Variants in ZNF160 observed in about 807,000 individuals in gnomAD.
ZNF160 encodes the protein KRAB zinc finger protein KR18.
Under a neutral mutation model 13.1 loss-of-function variants are expected in ZNF160, and 9 were observed. That is an observed-to-expected ratio of 0.69 (90% confidence interval 0.41 to 1.20). ZNF160 has a LOEUF of 1.20. ZNF160 is among the 50% of genes most tolerant of loss of function. The pLI is 0.01. For missense variants in ZNF160, 838 were observed against 988.0 expected, an observed-to-expected ratio of 0.85 and a Z score of 2.04; for synonymous variants, 293 against 333.2, an observed-to-expected ratio of 0.88 and a Z score of 1.31.
chr19:53,091,325 CAT>C (rs1283820814), intron 2 of ZNF160, 86 bp downstream of exon 2: 2 of 151,974 alleles, frequency 1.3e-5, no homozygotes, highest in Non-Finnish European at 1.5e-5. Context: ...CATATATACA[CAT>C]ATGTCTCTGA....
rs772896795 is a variant in ZNF160 at position 53,069,689 on chromosome 19, T to A, written c.845A>T (p.Glu282Val). Residue 282 changes from glutamate (E) to valine (V), a missense_variant, in exon 6 of 6, where the codon GAG becomes GTG. Coordinates refer to ENST00000683776, the MANE Select transcript of ZNF160 (RefSeq NM_001322131.2). The surrounding 1 kb of genome is among the most constrained non-coding windows in gnomAD (Gnocchi z 4.4). ...GCACTCACTGCATTTGTAAGGCTTC[T>A]CTCCACTATGAATTCTCCTATGACT... is the stretch of plus-strand genomic sequence containing the variant. ...LTSHRRIHSGEKPYKCSECGK... is the reference protein window; with the variant it reads ...LTSHRRIHSGVKPYKCSECGK... 4 of 1,614,222 alleles carry A rather than the reference T, an allele frequency of 2.5e-6. No homozygotes were observed. In the East Asian group the frequency reaches 6.7e-5, roughly 27 times the overall value.
Position 53,070,106 on chromosome 19 carries a change from C to T in ZNF160, c.428G>A (p.Cys143Tyr). The T allele has an allele frequency of 6.2e-7, 1 of 1,614,132 alleles. No individual in the cohort carries two copies. The highest frequency in any genetic ancestry group is 8.5e-7 in the Non-Finnish European group (1 of 1,180,032). The change falls in exon 6 of 6, where the codon TGT becomes TAT. Residue 143 changes from cysteine to tyrosine, a missense_variant. By Grantham distance (194) the Cys-to-Tyr change is radical. Around this residue, in one of 3 missense-constraint regions of ZNF160, gnomAD observed 387 missense variants for 402.3 expected, o/e 0.96. Coordinates refer to ENST00000683776, the MANE Select transcript of ZNF160 (RefSeq NM_001322131.2). ...EPQKNVHDFE[C>Y]QWRDDTGNYK... ...ATTTCCTGTGTCATCTCTCCATTGA[C>T]ACTCAAAATCATGCACATTTTTCTG...
intron 3 of ZNF160, chr19:53,075,893 T>C (rs2084370139): frequency 4.0e-6 from 2 of 498,736 alleles, no homozygotes; most frequent in Non-Finnish European, 8.1e-6. Context: ...GTGTGTGCGC[T>C]GTTGTGGGAT....
intron 1 of ZNF160, among the ~76,000 whole-genome samples, chr19:53,093,015 A>G (rs1462783545): frequency 6.6e-6 from 1 of 152,242 alleles, no homozygotes; most frequent in Non-Finnish European, 1.5e-5. Flanking sequence ...TCTTTTCATT[A>G]AATTGAGAAT....
At chr19:53,096,235 T>TGAAA (rs1297058638) in intron 1 of ZNF160, among the ~76,000 whole-genome samples, 1 of 152,128 alleles carries the variant, frequency 6.6e-6, no homozygotes, top group Non-Finnish European at 1.5e-5. Flanking sequence ...AATAAATAAC[T>TGAAA]GAATGAATGA....
intron 2 of ZNF160, among the ~76,000 whole-genome samples, chr19:53,089,497 G>A (rs1028086537): frequency 2.6e-5 from 4 of 152,168 alleles, no homozygotes; most frequent in African/African-American, 9.7e-5. Context: ...GGGAAATGGA[G>A]GAAGAGCGTG....
chr19:53,073,501 T>C, intron 5 of ZNF160: 1 of 1,597,536 alleles, frequency 6.3e-7, no homozygotes, highest in Non-Finnish European at 8.5e-7. Flanking sequence ...TTCCATCTCC[T>C]GAGCAGGTCT....
At position 53,080,215 on chromosome 19, in the gene ZNF160, C is replaced by A. The variant is rs187922070; in HGVS notation, c.16-5032G>T. ...CCCGGTTCAAGCAATTCTCCTGCCT[C>A]AGCCTTCCTAAGTAGCTGGGATTAC... On this transcript the variant is annotated intron_variant, in intron 3 of 5. Transcript: ENST00000683776. Among the ~76,000 whole-genome samples the A allele has an allele frequency of 5.3e-5, 8 of 152,006 alleles. No individual in the cohort carries two copies. In the East Asian group the frequency reaches 1.5e-3, roughly 29 times the overall value.
intron 3 of ZNF160, chr19:53,085,624 TCA>T (rs2084802028): frequency 6.0e-6 from 1 of 167,304 alleles, no homozygotes; most frequent in African/African-American, 2.4e-5. Flanking sequence ...TGTAAGAACA[TCA>T]CAGTCTCCAT....
intron 1 of ZNF160, among the ~76,000 whole-genome samples, chr19:53,093,277 T>C (rs945522733): frequency 3.3e-5 from 5 of 152,096 alleles, no homozygotes; most frequent in African/African-American, 9.7e-5. Context: ...TTGTCTCTAC[T>C]AAAAATACAA....
chr19:53,098,788 G>C (rs74176200), intron 1 of ZNF160, among the ~76,000 whole-genome samples: 39 of 151,146 alleles, frequency 2.6e-4, no homozygotes, highest in African/African-American at 7.9e-4. Flanking sequence ...CCGGGCCCCG[G>C]TGATGTGTAG....
At chr19:53,076,062 T>C (rs2084376431) in intron 3 of ZNF160, 1 of 224,754 alleles carries the variant, frequency 4.4e-6, no homozygotes, top group Non-Finnish European at 9.1e-6. Flanking sequence ...ATTTGTATTA[T>C]GGAAGCAAAG....
chr19:53,069,026 T>G lies in ZNF160; in HGVS notation c.1508A>C (p.His503Pro). The change falls in exon 6 of 6, where the codon CAT becomes CCT. Residue 503 changes from histidine to proline, a missense_variant. By Grantham distance (77) the His-to-Pro change is moderately conservative (BLOSUM62 -2). Transcript: ENST00000683776. This position sits in a 1 kb window ranked among gnomAD's most constrained non-coding sequence, Gnocchi z 4.4. ...ACACTTGTAAGGTTTCTCTCCAGTA[T>G]GAATTCTTCGATGATTTGCAAGTTG... ...NSQLANHRRI[H>P]TGEKPYKCNE... 6.2e-7 allele frequency: 1 copy of G among 1,614,236 alleles called. No homozygotes were observed. Among genetic ancestry groups the G allele is most frequent in the Non-Finnish European group, 8.5e-7 (1 of 1,180,046 alleles).
intron 2 of ZNF160, among the ~76,000 whole-genome samples, chr19:53,087,305 ATTCT>A (rs2084874657): frequency 6.6e-6 from 1 of 152,210 alleles, no homozygotes; most frequent in Non-Finnish European, 1.5e-5. Context: ...GTCTTCAAAC[ATTCT>A]TTCTCCCATA....
chr19:53,075,323 T>C, intron 3 of ZNF160, 140 bp from the exon 4 acceptor site: 1 of 1,137,896 alleles, frequency 8.8e-7, no homozygotes, highest in Non-Finnish European at 1.3e-6. Flanking sequence ...CAATGTGACA[T>C]ACAGATTTGG....
At chr19:53,099,440 G>C (rs1027934227) in intron 1 of ZNF160, among the ~76,000 whole-genome samples, 3 of 152,190 alleles carry the variant, frequency 2.0e-5, no homozygotes, top group Non-Finnish European at 2.9e-5. Flanking sequence ...GGCCCTGGAC[G>C]CAGGGCTGTG....
At chr19:53,081,916 C>A (rs1178929161) in intron 3 of ZNF160, among the ~76,000 whole-genome samples, 1 of 152,158 alleles carries the variant, frequency 6.6e-6, no homozygotes, top group Non-Finnish European at 1.5e-5. Context: ...TAGACATATA[C>A]CCTATGGAAT....
chr19:53,085,095 A>C, intron 3 of ZNF160: 1 of 892,708 alleles, frequency 1.1e-6, no homozygotes, highest in Non-Finnish European at 1.3e-6. Flanking sequence ...CTGGGATTAC[A>C]GGTGTGAGCC....
intron 1 of ZNF160, among the ~76,000 whole-genome samples, chr19:53,092,086 T>C (rs968160680): frequency 1.3e-5 from 2 of 152,198 alleles, no homozygotes; most frequent in African/African-American, 4.8e-5. Context: ...TCTCTACATA[T>C]GGCGTAATTT....
Sources: allele counts gnomAD v4.1 joint callset (sites outside exome capture counted in the v4.1 genomes callset), GRCh38; gene constraint gnomAD v4.1.1; regional missense constraint gnomAD v4.1.1; non-coding constraint Gnocchi (gnomAD v3.1); transcripts MANE v1.5; gene names NCBI Gene and HGNC (gene_info 2026-07-23, HGNC 2026-07-21).